Variants in NUP93 observed in about 807,000 individuals in gnomAD.
The protein encoded by NUP93 is nucleoporin 93.
In NUP93, 55 loss-of-function variants were observed where a neutral mutation model predicts 107.8. The observed-to-expected ratio is 0.51, with a 90% CI of 0.41 to 0.64. The LOEUF (loss-of-function observed/expected upper bound fraction) is 0.64. Among genes scored for constraint, NUP93 ranks in the 30% least tolerant of loss-of-function variants. The pLI is 0.00. For missense variants in NUP93, 937 were observed against 1,044.7 expected (o/e 0.90, Z 1.42); for synonymous variants, 390 against 397.5 (o/e 0.98, Z 0.22).
chr16:56,794,927 CAAAAAAAAAAAAAAAAAAAAAA>C, intron 3 of NUP93, among the ~76,000 whole-genome samples: 1 of 71,944 alleles, frequency 1.4e-5, no homozygotes, highest in East Asian at 4.3e-4. Context: ...GACTCTGTCT[CAAAAAAAAAAAAAAAAAAAAAA>C]AAAAAAAAAA....
intron 1 of NUP93, among the ~76,000 whole-genome samples, chr16:56,734,637 T>G (rs201703679): frequency 1.4e-5 from 1 of 72,146 alleles, no homozygotes; most frequent in Non-Finnish European, 2.8e-5. Flanking sequence ...ATGTGACACA[T>G]GAGAGTGGCT....
chr16:56,740,085 C>A (rs1307827672), intron 1 of NUP93, among the ~76,000 whole-genome samples: 2 of 123,748 alleles, frequency 1.6e-5, no homozygotes, highest in Admixed American at 7.9e-5. Context: ...CTCACCCCCC[C>A]ACCTCCCTCC....
At position 56,733,109 on chromosome 16, in the gene NUP93, A is replaced by G. The variant is rs1314318575; in HGVS notation, c.-15+2898A>G. Among the ~76,000 whole-genome samples the G allele has an allele frequency of 3.9e-5, 6 of 152,172 alleles. No homozygotes were observed. In the East Asian group the frequency reaches 5.8e-4, roughly 15 times the overall value. On this transcript the variant is annotated intron_variant, in intron 1 of 21. Coordinates refer to ENST00000308159, the MANE Select transcript of NUP93 (RefSeq NM_014669.5). ...GTGTGTACTTAGCATGTACAGGAGT[A>G]TGAAGGGAGGAAACAGGCACCCCAA...
At chr16:56,828,847 C>G (rs891547681) in intron 8 of NUP93, 130 bp from the exon 9 acceptor site, 32 of 848,740 alleles carry the variant, frequency 3.8e-5, no homozygotes, top group Non-Finnish European at 5.5e-5. Flanking sequence ...GTACTATTTC[C>G]TCTTCTGCAT....
At chr16:56,756,542 A>G (rs1962027675) in intron 2 of NUP93, among the ~76,000 whole-genome samples, 1 of 152,150 alleles carries the variant, frequency 6.6e-6, no homozygotes, top group Non-Finnish European at 1.5e-5. Flanking sequence ...CCAGTCTATC[A>G]TTGATGGGCA....
intron 7 of NUP93, among the ~76,000 whole-genome samples, chr16:56,822,405 G>A (rs1292418472): frequency 1.3e-5 from 2 of 150,920 alleles, no homozygotes; most frequent in Admixed American, 6.6e-5. Flanking sequence ...CCAGCTACTC[G>A]AGAGGCTGAG....
At chr16:56,744,200 T>C (rs1961783921) in intron 1 of NUP93, among the ~76,000 whole-genome samples, 1 of 152,226 alleles carries the variant, frequency 6.6e-6, no homozygotes, top group African/African-American at 2.4e-5. Context: ...TCCCAACACA[T>C]GGCTTGGACT....
At chr16:56,738,490 C>T (rs1159093798) in intron 1 of NUP93, among the ~76,000 whole-genome samples, 2 of 152,186 alleles carry the variant, frequency 1.3e-5, no homozygotes, top group Non-Finnish European at 2.9e-5. Flanking sequence ...TCTTTTTCTT[C>T]TGTCTAGGTT....
intron 5 of NUP93, among the ~76,000 whole-genome samples, chr16:56,809,037 G>A (rs1315584590): frequency 6.6e-6 from 1 of 151,908 alleles, no homozygotes; most frequent in African/African-American, 2.4e-5. Flanking sequence ...TTACAGAAAC[G>A]TTAGCTTACT....
intron 3 of NUP93, chr16:56,781,810 C>G (rs903253341): frequency 1.0e-6 from 1 of 984,558 alleles, no homozygotes. Flanking sequence ...ATAAAATACC[C>G]TTCTGTAACC....
chr16:56,835,343 C>T (rs994083096), intron 16 of NUP93, among the ~76,000 whole-genome samples: 1 of 152,202 alleles, frequency 6.6e-6, no homozygotes, highest in Admixed American at 6.5e-5. Flanking sequence ...TGGAAAGTCA[C>T]TTGTCCCTCA....
At chr16:56,744,622 A>G (rs1397489383) in intron 1 of NUP93, among the ~76,000 whole-genome samples, 1 of 151,974 alleles carries the variant, frequency 6.6e-6, no homozygotes, top group Non-Finnish European at 1.5e-5. Flanking sequence ...GAACAAGCTT[A>G]TTTTCTTTTT....
chr16:56,802,482 T>G (rs1963042364), intron 4 of NUP93, among the ~76,000 whole-genome samples: 1 of 152,186 alleles, frequency 6.6e-6, no homozygotes, highest in South Asian at 2.1e-4. Context: ...AAAAAAACAG[T>G]TGGAAGACTG....
chr16:56,753,576 A>G (rs1204665269), intron 2 of NUP93, among the ~76,000 whole-genome samples: 1 of 152,204 alleles, frequency 6.6e-6, no homozygotes, highest in African/African-American at 2.4e-5. Flanking sequence ...ATCAGAATCT[A>G]CATTTTTAAC....
In NUP93 at chr16:56,845,878, C is replaced by T. The variant is rs1964110706; in HGVS notation, c.*1269C>T. 1 of 152,174 alleles carries T rather than the reference C, an allele frequency of 6.6e-6. No homozygotes were observed. The highest frequency in any genetic ancestry group is 6.5e-5 in the Admixed American group (1 of 15,292). The allele number at this position is 152,174 out of a possible 1,614,324, so 9.4% of individuals were successfully genotyped here. ...AGAAATAATCTGTAGATAATGGAACCAACTGCTGCTTATCGGTAGGATTCC... is the reference window on the plus strand; with the variant it reads ...AGAAATAATCTGTAGATAATGGAACTAACTGCTGCTTATCGGTAGGATTCC... On this transcript the variant is annotated 3_prime_UTR_variant, in exon 22 of 22. Coordinates refer to ENST00000308159, the MANE Select transcript of NUP93 (RefSeq NM_014669.5).
At chr16:56,830,247 G>C (rs1320160507) in intron 9 of NUP93, among the ~76,000 whole-genome samples, 1 of 152,142 alleles carries the variant, frequency 6.6e-6, no homozygotes, top group African/African-American at 2.4e-5. Context: ...AAAACCACAG[G>C]GTGGCTTTGG....
chr16:56,741,621 TAATTATTTAA>T (rs1961741857), intron 1 of NUP93, among the ~76,000 whole-genome samples: 1 of 152,180 alleles, frequency 6.6e-6, no homozygotes, highest in Admixed American at 6.5e-5. Context: ...TAATCAAAAA[TAATTATTTAA>T]AATAATCAAA....
intron 1 of NUP93, among the ~76,000 whole-genome samples, chr16:56,737,116 C>T (rs1567370848): frequency 6.6e-6 from 1 of 152,166 alleles, no homozygotes; most frequent in Non-Finnish European, 1.5e-5. Context: ...TTGGTCAGCT[C>T]AGATCACCAT....
At chr16:56,751,346 A>G (rs1211482125) in intron 2 of NUP93, among the ~76,000 whole-genome samples, 1 of 152,242 alleles carries the variant, frequency 6.6e-6, no homozygotes, top group Non-Finnish European at 1.5e-5. Context: ...CCTTGTGATA[A>G]TACTATAAGC....
Sources: allele counts gnomAD v4.1 joint callset (sites outside exome capture counted in the v4.1 genomes callset), GRCh38; gene constraint gnomAD v4.1.1; transcripts MANE v1.5; gene names NCBI Gene and HGNC (gene_info 2026-07-23, HGNC 2026-07-21).